Variants in ASTN2 observed in about 807,000 individuals in gnomAD.
ASTN2 encodes the protein astrotactin 2, also known as astrotactin-2.
Under a neutral mutation model 139.8 loss-of-function variants are expected in ASTN2, and 54 were observed. That is an observed-to-expected ratio of 0.39 (90% CI 0.31 to 0.48). The LOEUF (loss-of-function observed/expected upper bound fraction) is 0.48, where lower values mean the gene tolerates loss of function less well. Ranked by LOEUF, ASTN2 falls within the 20% of genes least tolerant of loss-of-function variation. The pLI is 0.95. For synonymous variants in ASTN2, 756 were observed against 719.5 expected (o/e 1.05, Z -0.81); for missense variants, 1,565 against 1,725.1 (o/e 0.91, Z 1.64).
chr9:116,868,530 C>T (rs1241464697), intron 10 of ASTN2, among the ~76,000 whole-genome samples: 1 of 152,212 alleles, frequency 6.6e-6, no homozygotes, highest in Non-Finnish European at 1.5e-5. Flanking sequence ...GTACCTCCCA[C>T]AGCCTGATTC....
At chr9:116,676,327 G>A (rs1020055512) in intron 16 of ASTN2, among the ~76,000 whole-genome samples, 1 of 152,160 alleles carries the variant, frequency 6.6e-6, no homozygotes, top group Admixed American at 6.5e-5. Context: ...CTAGTCTTAG[G>A]CCATAGCAAA....
chr9:116,906,047 C>A (rs945299761), intron 10 of ASTN2, among the ~76,000 whole-genome samples: 5 of 152,066 alleles, frequency 3.3e-5, no homozygotes, highest in Non-Finnish European at 7.4e-5. Context: ...ACCCTCCAGA[C>A]CTTAGATTTC....
At chr9:116,530,451 A>G (rs999022451) in intron 19 of ASTN2, among the ~76,000 whole-genome samples, 1 of 151,934 alleles carries the variant, frequency 6.6e-6, no homozygotes, top group Non-Finnish European at 1.5e-5. Flanking sequence ...AATATATTGT[A>G]TGCTTGAAAA....
Position 117,199,641 on chromosome 9 carries a change from GT to G in ASTN2, c.1015+14716del, listed in dbSNP as rs34734014. On this transcript the variant is annotated intron_variant, in intron 3 of 22. Coordinates refer to ENST00000313400, the MANE Select transcript of ASTN2 (RefSeq NM_001365068.1). ...TTTGACTCATGTGAAATTTAAAGTA[GT>G]TTTTTTTTTCTAATTCTGTGAAGAA... Among the ~76,000 whole-genome samples the G allele has an allele frequency of 8.2e-4, 123 of 150,824 alleles. No homozygotes were observed. In the East Asian group the frequency reaches 8.4e-3, roughly 10 times the overall value.
intron 5 of ASTN2, among the ~76,000 whole-genome samples, chr9:117,065,623 T>C (rs930361497): frequency 9.2e-5 from 14 of 152,242 alleles, no homozygotes; most frequent in African/African-American, 3.4e-4. Flanking sequence ...GAGCCAATCA[T>C]ACATTTGGTC....
intron 5 of ASTN2, among the ~76,000 whole-genome samples, chr9:117,060,546 G>T (rs1027405356): frequency 1.5e-5 from 2 of 137,860 alleles, no homozygotes; most frequent in Admixed American, 7.5e-5. Context: ...AAGAAAGAAA[G>T]AAAGAAAAAG....
intron 19 of ASTN2, among the ~76,000 whole-genome samples, chr9:116,600,446 G>A (rs1348639064): frequency 2.0e-5 from 3 of 152,126 alleles, no homozygotes; most frequent in Non-Finnish European, 2.9e-5. Flanking sequence ...TACACTGGCA[G>A]TGAGCAATAG....
chr9:117,041,737 C>G (rs1325736731), intron 5 of ASTN2, among the ~76,000 whole-genome samples: 1 of 152,198 alleles, frequency 6.6e-6, no homozygotes, highest in Non-Finnish European at 1.5e-5. Context: ...CTCCTGTGCT[C>G]TGGCCTAAAG....
At chr9:116,873,723 T>A (rs1833223801) in intron 10 of ASTN2, among the ~76,000 whole-genome samples, 1 of 152,192 alleles carries the variant, frequency 6.6e-6, no homozygotes, top group African/African-American at 2.4e-5. Context: ...GGTGATTGGA[T>A]CATGGCAGAG....
intron 6 of ASTN2, among the ~76,000 whole-genome samples, chr9:117,034,532 T>C (rs1269024462): frequency 1.3e-5 from 2 of 152,132 alleles, no homozygotes; most frequent in Non-Finnish European, 2.9e-5. Flanking sequence ...CCAAGGAGTC[T>C]GAAGAAGTGA....
intron 20 of ASTN2, among the ~76,000 whole-genome samples, chr9:116,469,830 T>C (rs1848758857): frequency 1.3e-5 from 2 of 152,160 alleles, no homozygotes; most frequent in Non-Finnish European, 2.9e-5. Context: ...TGTATTGTAA[T>C]GTTTGATAAT....
Position 117,399,865 on chromosome 9 carries a change from T to C in ASTN2, c.442+14632A>G, listed in dbSNP as rs184110720. Among the ~76,000 whole-genome samples, 672 of 152,340 alleles carry C rather than the reference T, an allele frequency of 4.4e-3. 3 individuals are homozygous for C. Among genetic ancestry groups the C allele is most frequent in the Non-Finnish European group, 5.8e-3 (397 of 68,042 alleles). On this transcript the variant is annotated intron_variant, in intron 1 of 22. Coordinates refer to ENST00000313400, the MANE Select transcript of ASTN2 (RefSeq NM_001365068.1). ...TGACTGGAAGTGATTGATGAGGCAT[T>C]GCATTGAGAAAGAATCTCAGGCTAT...
intron 3 of ASTN2, among the ~76,000 whole-genome samples, chr9:117,158,338 C>T (rs1173799961): frequency 6.6e-6 from 1 of 151,980 alleles, no homozygotes; most frequent in African/African-American, 2.4e-5. Context: ...AATGAAAGGA[C>T]TTAGATATGA....
At chr9:117,134,293 TATACACAC>T (rs1353413709) in intron 4 of ASTN2, among the ~76,000 whole-genome samples, 1,255 of 53,692 alleles carry the variant, frequency 0.023, 16 homozygotes, top group African/African-American at 0.039. Context: ...TATATATATA[TATACACAC>T]ACACACACAC....
At chr9:116,933,978 C>CATTTTTTTTTTTT (rs1564347617) in intron 10 of ASTN2, among the ~76,000 whole-genome samples, 1 of 30,742 alleles carries the variant, frequency 3.3e-5, no homozygotes, top group African/African-American at 8.6e-5. Context: ...AAGTGTTAGT[C>CATTTTTTTTTTTT]CTTTTTTTTT....
intron 1 of ASTN2, among the ~76,000 whole-genome samples, chr9:117,411,726 C>T (rs2130982344): frequency 6.6e-6 from 1 of 152,274 alleles, no homozygotes; most frequent in African/African-American, 2.4e-5. Context: ...CTTTGGTGGA[C>T]ACCATCACCC....
intron 3 of ASTN2, among the ~76,000 whole-genome samples, chr9:117,186,439 C>G (rs1048928021): frequency 6.6e-6 from 1 of 151,720 alleles, no homozygotes; most frequent in African/African-American, 2.4e-5. Context: ...CCCAGCTACT[C>G]GGGAGGCTGA....
At chr9:116,681,377 A>G (rs1859854093) in intron 16 of ASTN2, among the ~76,000 whole-genome samples, 1 of 152,340 alleles carries the variant, frequency 6.6e-6, no homozygotes, top group South Asian at 2.1e-4. Flanking sequence ...ATAAAAGAGG[A>G]TACAAACAAA....
At chr9:116,632,128 AAG>A (rs145360209) in intron 17 of ASTN2, among the ~76,000 whole-genome samples, 21,582 of 47,774 alleles carry the variant, frequency 0.45, 5,408 homozygotes, top group Middle Eastern at 0.47. Context: ...AAAGAAAAAG[AAG>A]AGAGAGAGAG....
Sources: gnomAD v4.1 joint callset for allele counts (sites outside exome capture counted in the v4.1 genomes callset) on GRCh38, gnomAD v4.1.1 for gene constraint, MANE v1.5 for transcripts, NCBI Gene and HGNC (gene_info 2026-07-23, HGNC 2026-07-21) for gene names.